Variants in INPP5D observed in about 807,000 individuals in gnomAD.
INPP5D encodes the protein phosphatidylinositol 3,4,5-trisphosphate 5-phosphatase 1.
A neutral mutation model predicts 122.9 loss-of-function variants in INPP5D; 33 were observed. That is an observed-to-expected ratio of 0.27 (90% CI 0.20 to 0.36). INPP5D has a LOEUF of 0.36. INPP5D is among the 10% of genes least tolerant of loss of function. The pLI, the probability that INPP5D is intolerant of heterozygous loss-of-function variation, is 1.00. For synonymous variants in INPP5D, 584 were observed against 576.2 expected, an observed-to-expected ratio of 1.01 and a Z score of -0.19; for missense variants, 1,053 against 1,412.7, an observed-to-expected ratio of 0.75 and a Z score of 4.08.
intron 2 of INPP5D, among the ~76,000 whole-genome samples, chr2:233,092,669 C>T (rs1028735858): frequency 6.6e-5 from 10 of 152,270 alleles, no homozygotes; most frequent in Middle Eastern, 3.4e-3. Context: ...GGATGAGCTT[C>T]CTTAATTGCA....
chr2:233,073,257 C>T (rs192339957), intron 1 of INPP5D, among the ~76,000 whole-genome samples: 2 of 152,186 alleles, frequency 1.3e-5, no homozygotes, highest in African/African-American at 4.8e-5. Context: ...TTCTGTTTGT[C>T]ACAGGTTTGT....
At position 233,100,068 on chromosome 2, in the gene INPP5D, C is replaced by T. The variant is rs893717081; in HGVS notation, c.198+20670C>T. ...ATCACCTCCCACCGGGTTCCTCCCACGACACGTGGGAATTGTGGGAGTTAC... is the reference window on the plus strand; with the variant it reads ...ATCACCTCCCACCGGGTTCCTCCCATGACACGTGGGAATTGTGGGAGTTAC... On this transcript the variant is annotated intron_variant, in intron 2 of 26. Transcript: ENST00000445964. This position sits in a 1 kb window ranked among gnomAD's most constrained non-coding sequence, Gnocchi z 5.3. Among the ~76,000 whole-genome samples, 16 of 152,206 alleles carry T rather than the reference C, an allele frequency of 1.1e-4. No individual in the cohort carries two copies. Among genetic ancestry groups the T allele is most frequent in the Admixed American group, 2.6e-4 (4 of 15,284 alleles).
intron 5 of INPP5D, among the ~76,000 whole-genome samples, chr2:233,137,890 A>ATGTG (rs1693528652): frequency 1.2e-5 from 1 of 82,338 alleles, no homozygotes; most frequent in African/African-American, 3.9e-5. Flanking sequence ...ATATATATAT[A>ATGTG]TATATATACA....
rs1213024397 is a variant in INPP5D at position 233,105,610 on chromosome 2, G to GAAGA, written c.199-16496_199-16493dup. ...CTGATGCCGGGGGCTGAGCCGGGGG[G>GAAGA]AAGAGAGCCAGAGGGGAAGGGAAGG... On this transcript the variant is annotated intron_variant, in intron 2 of 26. Transcript: ENST00000445964. This position sits in a 1 kb window ranked among gnomAD's most constrained non-coding sequence, Gnocchi z 4.0. 6.6e-6 allele frequency among the ~76,000 whole-genome samples: 1 copy of GAAGA among 152,160 alleles called. No individual in the cohort carries two copies. Among genetic ancestry groups the GAAGA allele is most frequent in the Non-Finnish European group, 1.5e-5 (1 of 68,036 alleles).
At chr2:233,198,060 G>A in intron 24 of INPP5D, 35 bp from the exon 25 acceptor site, 1 of 1,521,630 alleles carries the variant, frequency 6.6e-7, no homozygotes, top group Non-Finnish European at 8.8e-7. Context: ...GAAGGGAAGG[G>A]ACCCCTGAGA....
chr2:233,070,520 A>AAC (rs1691349184), intron 1 of INPP5D, among the ~76,000 whole-genome samples: 1 of 151,570 alleles, frequency 6.6e-6, no homozygotes, highest in African/African-American at 2.4e-5. Context: ...GGCTCACTGC[A>AAC]AACTTCTGCC....
chr2:233,162,585 G>A (rs1694225180), intron 11 of INPP5D, among the ~76,000 whole-genome samples: 1 of 151,962 alleles, frequency 6.6e-6, no homozygotes, highest in Non-Finnish European at 1.5e-5. Flanking sequence ...TAAGTGTTCA[G>A]GTAGAAATAA....
At chr2:233,158,448 C>T (rs893028977) in intron 10 of INPP5D, 29 bp downstream of exon 10, 1 of 693,616 alleles carries the variant, frequency 1.4e-6, no homozygotes, top group Non-Finnish European at 2.6e-6. Flanking sequence ...CTAAAATGGG[C>T]TGTGAGGTAG....
intron 1 of INPP5D, among the ~76,000 whole-genome samples, chr2:233,075,376 A>G (rs1025863766): frequency 3.3e-5 from 5 of 152,176 alleles, no homozygotes; most frequent in Non-Finnish European, 5.9e-5. Context: ...AGAGCTGGGG[A>G]AGGGCTGGGC....
At position 233,105,038 on chromosome 2, in the gene INPP5D, G is replaced by A. The variant is rs780762717; in HGVS notation, c.199-17069G>A. Among the ~76,000 whole-genome samples, 2 of 152,178 alleles carry A rather than the reference G, an allele frequency of 1.3e-5. No individual in the cohort carries two copies. Among genetic ancestry groups the A allele is most frequent in the Non-Finnish European group, 2.9e-5 (2 of 68,028 alleles). Reference sequence around the variant, plus strand: ...CTGGGCTTTTGCACATGTACTCCAGGCCCCCATTGGCTGTCTTGGGTAGGG... The same window carrying A: ...CTGGGCTTTTGCACATGTACTCCAGACCCCCATTGGCTGTCTTGGGTAGGG... On this transcript the variant is annotated intron_variant, in intron 2 of 26. Coordinates refer to ENST00000445964, the MANE Select transcript of INPP5D (RefSeq NM_001017915.3). The surrounding 1 kb of genome is among the most constrained non-coding windows in gnomAD (Gnocchi z 4.0).
intron 13 of INPP5D, among the ~76,000 whole-genome samples, chr2:233,165,430 G>A (rs1694305866): frequency 6.6e-6 from 1 of 151,842 alleles, no homozygotes; most frequent in Non-Finnish European, 1.5e-5. Context: ...CCGTGTGTGA[G>A]TGTACCACCC....
intron 6 of INPP5D, chr2:233,145,897 G>A: frequency 1.6e-6 from 1 of 633,292 alleles, no homozygotes; most frequent in Non-Finnish European, 2.9e-6. Flanking sequence ...TTTTGTTTAA[G>A]CAACGGAGTG....
Position 233,104,006 on chromosome 2 carries a change from C to CTTTT in INPP5D, c.199-18082_199-18079dup, listed in dbSNP as rs5839471. ...ACTGGTGTGAGCCACTGTGCCCTGC[C>CTTTT]TTTTTTTTTTTTTTTTTTTTTTGAG... On this transcript the variant is annotated intron_variant, in intron 2 of 26. Transcript: ENST00000445964. 2.0e-4 allele frequency among the ~76,000 whole-genome samples: 16 copies of CTTTT among 81,832 alleles called. 1 individual carries two copies. The highest frequency in any genetic ancestry group is 3.4e-4 in the East Asian group (1 of 2,920). 53.7% of individuals were successfully genotyped at this position (81,832 alleles called of 152,430 possible). A position where few individuals can be genotyped will look rare whatever the true frequency, so the allele number is the denominator to read the frequency against.
chr2:233,084,545 G>A (rs13387054), intron 2 of INPP5D, among the ~76,000 whole-genome samples: 30,216 of 152,130 alleles, frequency 0.2, 3,131 homozygotes, highest in East Asian at 0.35. Context: ...ATCTCCGGGC[G>A]ACATGGCTTT....
At chr2:233,169,539 C>G (rs946156186) in intron 14 of INPP5D, 138 bp downstream of exon 14, 43 of 1,342,576 alleles carry the variant, frequency 3.2e-5, no homozygotes, top group South Asian at 2.5e-4. Flanking sequence ...CAGGGCCCAC[C>G]ACAGTCTCAT....
chr2:233,149,422 C>T (rs761838845), intron 9 of INPP5D, among the ~76,000 whole-genome samples: 9 of 152,114 alleles, frequency 5.9e-5, no homozygotes, highest in African/African-American at 9.6e-5. Flanking sequence ...TTAATAAAGT[C>T]GTATGCACTA....
chr2:233,177,377 G>A lies in INPP5D; in HGVS notation c.2071+31G>A. ...TTCAAACACTGGGGAAAGCAGAACA[G>A]GATCAGAGAATGGCACCAAGCTGGG... On this transcript the variant is annotated intron_variant, in intron 18 of 26. Coordinates refer to ENST00000445964, the MANE Select transcript of INPP5D (RefSeq NM_001017915.3). The surrounding 1 kb of genome is among the most constrained non-coding windows in gnomAD (Gnocchi z 4.2). 6.2e-7 allele frequency: 1 copy of A among 1,613,462 alleles called. No homozygotes were observed. The highest frequency in any genetic ancestry group is 8.5e-7 in the Non-Finnish European group (1 of 1,179,562).
intron 2 of INPP5D, among the ~76,000 whole-genome samples, chr2:233,079,636 G>T (rs1248114053): frequency 6.6e-6 from 1 of 152,156 alleles, no homozygotes; most frequent in South Asian, 2.1e-4. Flanking sequence ...TGGTCCATAG[G>T]TGTGAAGAGG....
chr2:233,076,908 T>C (rs1691533781), intron 1 of INPP5D, among the ~76,000 whole-genome samples: 1 of 152,070 alleles, frequency 6.6e-6, no homozygotes. Flanking sequence ...ATCCGGTTAG[T>C]AGGAGAAAAA....
Sources: gnomAD v4.1 joint callset for allele counts (sites outside exome capture counted in the v4.1 genomes callset) on GRCh38, gnomAD v4.1.1 for gene constraint, Gnocchi (gnomAD v3.1) non-coding constraint, MANE v1.5 for transcripts, NCBI Gene and HGNC (gene_info 2026-07-23, HGNC 2026-07-21) for gene names.